The following WDPCP variants were observed in gnomAD, a reference collection of about 807,000 sequenced individuals.
WDPCP encodes the protein WD repeat containing planar cell polarity effector.
A neutral mutation model predicts 93.1 loss-of-function variants in WDPCP; 71 were observed. The ratio of observed to expected loss-of-function variants is 0.76; its 90% confidence interval spans 0.63 to 0.93. The LOEUF (loss-of-function observed/expected upper bound fraction) is 0.93. Among genes scored for constraint, WDPCP ranks in the 40% least tolerant of loss-of-function variants. WDPCP has a pLI of 0.00. For missense variants in WDPCP, 844 were observed against 887.4 expected, an observed-to-expected ratio of 0.95 and a Z score of 0.62; for synonymous variants, 315 against 315.0, an observed-to-expected ratio of 1.00 and a Z score of 0.00.
intron 13 of WDPCP, among the ~76,000 whole-genome samples, chr2:63,303,798 A>G (rs1685510356): frequency 6.6e-6 from 1 of 152,228 alleles, no homozygotes; most frequent in South Asian, 2.1e-4. Flanking sequence ...AAAAGAACAA[A>G]CAATCCCATT....
chr2:63,320,712 A>G (rs1687016346), intron 12 of WDPCP, among the ~76,000 whole-genome samples: 1 of 152,138 alleles, frequency 6.6e-6, no homozygotes, highest in Non-Finnish European at 1.5e-5. Context: ...AAAAGCAAAT[A>G]AATAAAAAAT....
At chr2:63,663,729 G>C (rs754087358) in intron 2 of WDPCP, among the ~76,000 whole-genome samples, 1 of 152,172 alleles carries the variant, frequency 6.6e-6, no homozygotes, top group African/African-American at 2.4e-5. Flanking sequence ...CATTTGGATG[G>C]AGGTTATAGA....
chr2:63,751,072 C>A (rs182371374), intron 2 of WDPCP, among the ~76,000 whole-genome samples: 3 of 152,158 alleles, frequency 2.0e-5, no homozygotes, highest in Admixed American at 2.0e-4. Flanking sequence ...GAATGTTCAT[C>A]AGTGAAACCA....
intron 15 of WDPCP, among the ~76,000 whole-genome samples, chr2:63,158,092 G>A (rs1672382782): frequency 1.3e-5 from 2 of 151,582 alleles, no homozygotes; most frequent in African/African-American, 4.9e-5. Flanking sequence ...GGATTATTTA[G>A]AAGTTTGTTA....
At chr2:63,549,623 G>A (rs532143929) in intron 1 of WDPCP, among the ~76,000 whole-genome samples, 62 of 152,020 alleles carry the variant, frequency 4.1e-4, no homozygotes, top group African/African-American at 1.3e-3. Flanking sequence ...AAAAATTAGC[G>A]GGCATAGTGG....
chr2:63,259,537 G>A (rs914950872), intron 13 of WDPCP, 128 bp from the exon 14 acceptor site: 6 of 816,786 alleles, frequency 7.3e-6, no homozygotes, highest in African/African-American at 6.9e-5. Flanking sequence ...TCTTTTCTGT[G>A]TTTTAAGTTT....
At chr2:63,565,326 T>A (rs1338248769) in intron 1 of WDPCP, among the ~76,000 whole-genome samples, 1 of 152,222 alleles carries the variant, frequency 6.6e-6, no homozygotes, top group Non-Finnish European at 1.5e-5. Context: ...TCAATTCGCT[T>A]CAATACGAGT....
intron 2 of WDPCP, among the ~76,000 whole-genome samples, chr2:63,791,109 C>T (rs1247813739): frequency 6.6e-6 from 1 of 152,172 alleles, no homozygotes; most frequent in Non-Finnish European, 1.5e-5. Context: ...CCTGACTCAC[C>T]AGGGAGATAG....
At chr2:63,266,171 G>T (rs1432501555) in intron 13 of WDPCP, among the ~76,000 whole-genome samples, 1 of 152,138 alleles carries the variant, frequency 6.6e-6, no homozygotes, top group Non-Finnish European at 1.5e-5. Context: ...ATTATACATG[G>T]AAAAGAAATA....
chr2:63,176,892 T>A (rs1673852447), intron 14 of WDPCP, among the ~76,000 whole-genome samples: 1 of 152,196 alleles, frequency 6.6e-6, no homozygotes, highest in Non-Finnish European at 1.5e-5. Flanking sequence ...ATACTTTTGT[T>A]TCTTATGTTT....
intron 2 of WDPCP, among the ~76,000 whole-genome samples, chr2:63,763,138 G>A (rs1193056014): frequency 6.6e-6 from 1 of 152,008 alleles, no homozygotes; most frequent in Non-Finnish European, 1.5e-5. Context: ...TTTGAGTTGG[G>A]GGGTATGCCT....
chr2:63,585,141 G>A (rs1708752439), intron 1 of WDPCP, among the ~76,000 whole-genome samples: 1 of 152,162 alleles, frequency 6.6e-6, no homozygotes, highest in Non-Finnish European at 1.5e-5. Flanking sequence ...GTAAGACATA[G>A]TAATAAAGTG....
intron 13 of WDPCP, among the ~76,000 whole-genome samples, chr2:63,307,198 T>A (rs1685807958): frequency 6.6e-6 from 1 of 152,166 alleles, no homozygotes; most frequent in African/African-American, 2.4e-5. Flanking sequence ...GAAGGACCTC[T>A]TCAAGGAGAA....
chr2:63,595,338 AC>A, intron 3 of WDPCP: 3 of 847,186 alleles, frequency 3.5e-6, no homozygotes, highest in Non-Finnish European at 6.1e-6. Context: ...GCATGTACAT[AC>A]CAAATAAAAA....
intron 1 of WDPCP, among the ~76,000 whole-genome samples, chr2:63,559,678 T>C (rs1706440113): frequency 1.3e-5 from 2 of 152,118 alleles, no homozygotes; most frequent in Non-Finnish European, 2.9e-5. Flanking sequence ...TCACAACTGC[T>C]ATAAAGGAAG....
chr2:63,160,863 T>C (rs1459494784), intron 15 of WDPCP, among the ~76,000 whole-genome samples: 1 of 152,176 alleles, frequency 6.6e-6, no homozygotes, highest in East Asian at 1.9e-4. Flanking sequence ...AAATACATTA[T>C]ATATCTCATG....
intron 1 of WDPCP, among the ~76,000 whole-genome samples, chr2:63,503,976 G>A (rs561726404): frequency 1.4e-4 from 21 of 150,882 alleles, no homozygotes; most frequent in Admixed American, 6.6e-4. Context: ...GGAGTGGCCC[G>A]CAGCTATACC....
chr2:63,391,941 G>A (rs1162459529), intron 10 of WDPCP, among the ~76,000 whole-genome samples: 8 of 152,100 alleles, frequency 5.3e-5, no homozygotes, highest in Admixed American at 4.6e-4. Context: ...AATCAATATC[G>A]TGAAAATGGC....
At chr2:63,129,530 C>G (rs1018648913) in intron 17 of WDPCP, among the ~76,000 whole-genome samples, 1 of 152,124 alleles carries the variant, frequency 6.6e-6, no homozygotes, top group Admixed American at 6.5e-5. Context: ...TATGTAGTTT[C>G]TCGTTGTGGT....
Sources: gnomAD v4.1 joint callset for allele counts (sites outside exome capture counted in the v4.1 genomes callset) on GRCh38, gnomAD v4.1.1 for gene constraint, MANE v1.5 for transcripts, NCBI Gene and HGNC (gene_info 2026-07-23, HGNC 2026-07-21) for gene names.